The following EFCAB5 variants were observed in gnomAD, a reference collection of about 807,000 sequenced individuals.
The protein encoded by EFCAB5 is EF-hand calcium-binding domain-containing protein 5.
Under a neutral mutation model 167.9 loss-of-function variants are expected in EFCAB5, and 131 were observed. That is an observed-to-expected ratio of 0.78 (90% CI 0.68 to 0.90). The LOEUF is 0.90. Among genes scored for constraint, EFCAB5 ranks in the 40% least tolerant of loss-of-function variants. The probability of loss-of-function intolerance (pLI) is 0.00; values close to 1 mark genes in which losing one functional copy is unlikely to be tolerated. For missense variants in EFCAB5, 1,663 were observed against 1,745.2 expected (o/e 0.95, Z 0.84); for synonymous variants, 574 against 602.8 (o/e 0.95, Z 0.70).
Position 30,051,222 on chromosome 17 carries a change from G to A in EFCAB5, c.1300+5G>A. The A allele has an allele frequency of 1.9e-6, 3 of 1,613,598 alleles. No homozygotes were observed. The highest frequency in any genetic ancestry group is 2.5e-6 in the Non-Finnish European group (3 of 1,179,582). ...TACTTCGAAACCCACGACAATGTAA[G>A]TGCCGCTCAGAGGGAGTATGTTCAA... On this transcript the variant is annotated splice_donor_5th_base_variant and intron_variant, in intron 9 of 22. Transcript: ENST00000394835.
At chr17:29,984,589 G>A (rs766982719) in intron 4 of EFCAB5, among the ~76,000 whole-genome samples, 3 of 151,992 alleles carry the variant, frequency 2.0e-5, no homozygotes, top group Non-Finnish European at 4.4e-5. Flanking sequence ...CTGGTAGTGG[G>A]CACCTGTAAT....
rs569284989 is a variant in EFCAB5, at chr17:29,941,809, G to C, written c.13G>C (p.Ala5Pro). 1.9e-6 allele frequency: 3 copies of C among 1,605,630 alleles called. No homozygotes were observed. In the East Asian group the frequency reaches 6.7e-5, roughly 36 times the overall value. The part of the protein sequence containing the change: MNES[A>P]SQEELRPAQE... ...TTTTGGAGTCCAAATGAATGAGTCA[G>C]CATCTCAAGAGGAACTCAGACCTGC... The change falls in exon 1 of 23, where the codon GCA becomes CCA. Residue 5 changes from alanine (A) to proline (P), a missense_variant. Coordinates refer to ENST00000394835, the MANE Select transcript of EFCAB5 (RefSeq NM_198529.4).
chr17:29,932,724 C>G (rs191545075), intron 1 of EFCAB5, among the ~76,000 whole-genome samples: 179 of 152,228 alleles, frequency 1.2e-3, no homozygotes, highest in African/African-American at 4.2e-3. Flanking sequence ...TCACAAAGTG[C>G]TGGGATTACA....
chr17:29,996,097 CA>C (rs912168038), intron 5 of EFCAB5, among the ~76,000 whole-genome samples: 1 of 152,074 alleles, frequency 6.6e-6, no homozygotes. Context: ...GAAATCCATG[CA>C]TTTTTTTTCA....
chr17:29,969,092 C>T lies in EFCAB5; in HGVS notation c.492C>T (p.Asp164=). Residue 164 remains aspartate (D), a synonymous_variant, in exon 4 of 23, where the codon GAC becomes GAT. Coordinates refer to ENST00000394835, the MANE Select transcript of EFCAB5 (RefSeq NM_198529.4). ...DNLAKEWFNT[D]SMTLNNTAYL... Reference sequence around the variant, plus strand: ...TGGCCAAAGAGTGGTTTAATACTGACAGCATGACACTGAATAATACTGCAT... The same window carrying T: ...TGGCCAAAGAGTGGTTTAATACTGATAGCATGACACTGAATAATACTGCAT... 1 of 1,613,616 alleles carries T rather than the reference C, an allele frequency of 6.2e-7. No homozygotes were observed. Among genetic ancestry groups the T allele is most frequent in the South Asian group, 1.1e-5 (1 of 91,028 alleles).
At chr17:29,954,944 T>G (rs764879803) in intron 3 of EFCAB5, among the ~76,000 whole-genome samples, 2 of 152,228 alleles carry the variant, frequency 1.3e-5, no homozygotes, top group Non-Finnish European at 2.9e-5. Context: ...AAGATTTTAC[T>G]GCCCTGTTGT....
chr17:30,021,918 A>C (rs2069189074), intron 7 of EFCAB5, among the ~76,000 whole-genome samples: 1 of 152,176 alleles, frequency 6.6e-6, no homozygotes, highest in East Asian at 1.9e-4. Flanking sequence ...ACTATGTCAT[A>C]CAATTGCCCC....
chr17:30,093,636 C>T (rs1397803409), intron 22 of EFCAB5, among the ~76,000 whole-genome samples: 1 of 152,166 alleles, frequency 6.6e-6, no homozygotes, highest in Non-Finnish European at 1.5e-5. Flanking sequence ...CTAGCTTATT[C>T]CTGAGAAGCC....
At chr17:29,971,741 T>C (rs377106970) in intron 4 of EFCAB5, among the ~76,000 whole-genome samples, 1 of 152,198 alleles carries the variant, frequency 6.6e-6, no homozygotes, top group East Asian at 1.9e-4. Context: ...TGTATTTGGG[T>C]ACACTGAAAT....
intron 8 of EFCAB5, 63 bp from the exon 9 acceptor site, chr17:30,051,055 C>G: frequency 7.0e-7 from 1 of 1,434,672 alleles, no homozygotes; most frequent in African/African-American, 1.4e-5. Context: ...AAGCCACGTT[C>G]CAACTGCATA....
chr17:30,024,715 C>T (rs1478782836), intron 7 of EFCAB5, among the ~76,000 whole-genome samples: 6 of 151,686 alleles, frequency 4.0e-5, no homozygotes, highest in Admixed American at 6.6e-5. Context: ...AAAAAGAGCC[C>T]GCATCGCCAA....
At chr17:30,083,511 A>C (rs766112598) in intron 18 of EFCAB5, among the ~76,000 whole-genome samples, 1 of 152,202 alleles carries the variant, frequency 6.6e-6, no homozygotes, top group Non-Finnish European at 1.5e-5. Flanking sequence ...CTGGAGTGCA[A>C]TAGCGCAATC....
intron 17 of EFCAB5, among the ~76,000 whole-genome samples, chr17:30,082,634 G>A (rs1040675211): frequency 1.3e-5 from 2 of 151,884 alleles, no homozygotes; most frequent in East Asian, 3.9e-4. Flanking sequence ...CAAGTGATCC[G>A]CCCTGCCTTG....
At position 30,107,990 on chromosome 17, in the gene EFCAB5, C is replaced by T. The variant is rs1567782763; in HGVS notation, c.4478C>T (p.Ala1493Val). Residue 1493 changes from alanine (A) to valine (V), a missense_variant, in exon 23 of 23, where the codon GCA becomes GTA. Transcript: ENST00000394835. ...LPSKTDNYMY[A>V]KMPGEGLQEK Reference sequence around the variant, plus strand: ...TCCAAGACTGACAATTATATGTATGCAAAAATGCCAGGGGAAGGTTTGCAA... The same window carrying T: ...TCCAAGACTGACAATTATATGTATGTAAAAATGCCAGGGGAAGGTTTGCAA... The T allele has an allele frequency of 2.5e-6, 4 of 1,605,802 alleles. No homozygotes were observed. The highest frequency in any genetic ancestry group is 3.5e-5 in the Admixed American group (2 of 57,750).
rs1415050965 is a variant in EFCAB5, at chr17:29,999,207, GC to G, written c.974-695del. ...TATACACATTACGAACTTTCCCTGAGCCCCAGGTCCTATTTGAAAAAAAGCT... is the reference window on the plus strand; with the variant it reads ...TATACACATTACGAACTTTCCCTGAGCCCAGGTCCTATTTGAAAAAAAGCT... On this transcript the variant is annotated intron_variant, in intron 6 of 22. Coordinates refer to ENST00000394835, the MANE Select transcript of EFCAB5 (RefSeq NM_198529.4). 2.0e-5 allele frequency among the ~76,000 whole-genome samples: 3 copies of G among 151,804 alleles called. No individual in the cohort carries two copies. In the South Asian group the frequency reaches 6.2e-4, roughly 32 times the overall value.
At chr17:30,096,677 A>ATATATATAT (rs1193558323) in intron 22 of EFCAB5, among the ~76,000 whole-genome samples, 8 of 60,126 alleles carry the variant, frequency 1.3e-4, no homozygotes, top group African/African-American at 6.7e-4. Flanking sequence ...ATATATATAT[A>ATATATATAT]TTTTTTTTTT....
intron 22 of EFCAB5, among the ~76,000 whole-genome samples, chr17:30,101,425 T>C (rs750845315): frequency 6.6e-6 from 1 of 152,192 alleles, no homozygotes; most frequent in Non-Finnish European, 1.5e-5. Context: ...TTTGGAAGGA[T>C]GGAGTTACCA....
At chr17:29,967,199 T>A (rs1382374593) in intron 3 of EFCAB5, among the ~76,000 whole-genome samples, 1 of 152,246 alleles carries the variant, frequency 6.6e-6, no homozygotes, top group Non-Finnish European at 1.5e-5. Context: ...TTCTTAAACA[T>A]TCTGTGAATG....
At chr17:30,027,969 T>C (rs1306744415) in intron 7 of EFCAB5, among the ~76,000 whole-genome samples, 2 of 152,192 alleles carry the variant, frequency 1.3e-5, no homozygotes, top group African/African-American at 2.4e-5. Flanking sequence ...CTGAATCATA[T>C]AATGGGTTTA....
Sources: gnomAD v4.1 joint callset for allele counts (sites outside exome capture counted in the v4.1 genomes callset) on GRCh38, gnomAD v4.1.1 for gene constraint, MANE v1.5 for transcripts, NCBI Gene and HGNC (gene_info 2026-07-23, HGNC 2026-07-21) for gene names.